RNF220: variants seen among roughly 807,000 people sequenced by gnomAD.
The protein encoded by RNF220 is E3 ubiquitin-protein ligase RNF220.
A neutral mutation model predicts 67.1 loss-of-function variants in RNF220; 7 were observed. That is an observed-to-expected ratio of 0.10 (90% CI 0.06 to 0.20). The LOEUF (loss-of-function observed/expected upper bound fraction) is 0.20. RNF220 is among the 10% of genes least tolerant of loss of function. RNF220 has a pLI of 1.00. For synonymous variants in RNF220, 270 were observed against 283.2 expected, an observed-to-expected ratio of 0.95 and a Z score of 0.47; for missense variants, 565 against 740.3, an observed-to-expected ratio of 0.76 and a Z score of 2.75.
intron 5 of RNF220, among the ~76,000 whole-genome samples, chr1:44,629,482 G>T (rs1644051604): frequency 6.6e-6 from 1 of 152,122 alleles, no homozygotes; most frequent in South Asian, 2.1e-4. Context: ...GCCTTCAAGG[G>T]GTTAGATTTG....
chr1:44,572,262 G>A (rs933556461), intron 2 of RNF220, among the ~76,000 whole-genome samples: 1 of 152,220 alleles, frequency 6.6e-6, no homozygotes, highest in Non-Finnish European at 1.5e-5. Flanking sequence ...CCACTAGGTG[G>A]CAGAAATCAT....
chr1:44,642,251 G>C (rs1644508343), intron 8 of RNF220, among the ~76,000 whole-genome samples: 1 of 152,232 alleles, frequency 6.6e-6, no homozygotes, highest in African/African-American at 2.4e-5. Context: ...AACGTGGGAA[G>C]CCCCATCTGC....
intron 2 of RNF220, among the ~76,000 whole-genome samples, chr1:44,525,283 G>T (rs917363320): frequency 6.6e-6 from 1 of 152,130 alleles, no homozygotes; most frequent in Non-Finnish European, 1.5e-5. Flanking sequence ...CTGAGCGAGA[G>T]GGGGGCCACC....
intron 2 of RNF220, among the ~76,000 whole-genome samples, chr1:44,599,502 ATC>A (rs1408892804): frequency 6.6e-6 from 1 of 152,046 alleles, no homozygotes; most frequent in Admixed American, 6.5e-5. Context: ...ACACAACCCT[ATC>A]TCTACAAAAA....
intron 6 of RNF220, among the ~76,000 whole-genome samples, chr1:44,633,820 A>G (rs1644243554): frequency 6.6e-6 from 1 of 152,344 alleles, no homozygotes; most frequent in African/African-American, 2.4e-5. Flanking sequence ...CCTTTGCTCA[A>G]TGCCTTTCTG....
chr1:44,612,550 T>C (rs1643358975), intron 2 of RNF220, among the ~76,000 whole-genome samples: 1 of 152,214 alleles, frequency 6.6e-6, no homozygotes, highest in Non-Finnish European at 1.5e-5. Flanking sequence ...GTAATCATCC[T>C]CAGTCTGGTG....
intron 2 of RNF220, among the ~76,000 whole-genome samples, chr1:44,495,501 GT>G: frequency 6.6e-6 from 1 of 152,238 alleles, no homozygotes; most frequent in East Asian, 1.9e-4. Context: ...CATGTAGTTA[GT>G]AAGGGAACGT....
rs1643887419 is a variant in RNF220 at position 44,624,611 on chromosome 1, C to T, written c.805-1686C>T. On this transcript the variant is annotated intron_variant, in intron 4 of 14. Coordinates refer to ENST00000361799, the MANE Select transcript of RNF220 (RefSeq NM_018150.4). The surrounding 1 kb of genome is among the most constrained non-coding windows in gnomAD (Gnocchi z 4.2). ...TGCCTTGACCTAGGCTTTAGGGAAG[C>T]AGGTCGTGAGTGGAAGAGGCGAGAG... 6.6e-6 allele frequency among the ~76,000 whole-genome samples: 1 copy of T among 151,838 alleles called. No homozygotes were observed. Among genetic ancestry groups the T allele is most frequent in the South Asian group, 2.1e-4 (1 of 4,784 alleles).
rs774547662 is a variant in RNF220, at chr1:44,649,976, C to T, written c.1629+19C>T. 15 of 1,611,710 alleles carry T rather than the reference C, an allele frequency of 9.3e-6. No homozygotes were observed. The highest frequency in any genetic ancestry group is 1.6e-4 in the Middle Eastern group (1 of 6,080). ...GACCCTGGTGAGGTGGCATGGGGGT[C>T]GGGGAATGGGAGGCCGCTCCGGGCA... is the stretch of plus-strand genomic sequence containing the variant. On this transcript the variant is annotated intron_variant, in intron 14 of 14. Coordinates refer to ENST00000361799, the MANE Select transcript of RNF220 (RefSeq NM_018150.4). The surrounding 1 kb of genome is among the most constrained non-coding windows in gnomAD (Gnocchi z 5.9).
intron 2 of RNF220, among the ~76,000 whole-genome samples, chr1:44,547,975 A>G (rs1283708350): frequency 2.6e-5 from 4 of 152,114 alleles, no homozygotes; most frequent in African/African-American, 4.8e-5. Flanking sequence ...CAGCACCCGC[A>G]CACATCAACT....
chr1:44,557,494 C>T (rs1172501651), intron 2 of RNF220, among the ~76,000 whole-genome samples: 1 of 151,992 alleles, frequency 6.6e-6, no homozygotes, highest in East Asian at 1.9e-4. Context: ...TTACATCTTG[C>T]ACAATGCTTT....
At chr1:44,614,445 C>A in intron 3 of RNF220, 148 bp downstream of exon 3, 1 of 891,210 alleles carries the variant, frequency 1.1e-6, no homozygotes, top group Non-Finnish European at 1.7e-6. Context: ...CTGTTTCAAT[C>A]CTCAGATCTT....
At chr1:44,432,282 T>C (rs199569745) in intron 2 of RNF220, among the ~76,000 whole-genome samples, 1 of 152,186 alleles carries the variant, frequency 6.6e-6, no homozygotes, top group East Asian at 1.9e-4. Flanking sequence ...GTTTTATTTA[T>C]TTTTTTGAGA....
At chr1:44,525,518 C>T (rs528865084) in intron 2 of RNF220, among the ~76,000 whole-genome samples, 28 of 152,310 alleles carry the variant, frequency 1.8e-4, no homozygotes, top group South Asian at 1.7e-3. Context: ...CCTGTTTACC[C>T]CCCTACTACT....
intron 2 of RNF220, among the ~76,000 whole-genome samples, chr1:44,492,230 C>T (rs764704997): frequency 1.3e-5 from 2 of 152,144 alleles, no homozygotes; most frequent in African/African-American, 2.4e-5. Flanking sequence ...GCTTTGCACC[C>T]ATTAGGATGT....
intron 2 of RNF220, among the ~76,000 whole-genome samples, chr1:44,528,466 A>G (rs1172521269): frequency 6.6e-6 from 1 of 151,962 alleles, no homozygotes; most frequent in Admixed American, 6.6e-5. Flanking sequence ...ACACCTGGCT[A>G]ATTTTTTGTA....
chr1:44,558,204 A>T (rs1040670396), intron 2 of RNF220, among the ~76,000 whole-genome samples: 3 of 152,180 alleles, frequency 2.0e-5, no homozygotes, highest in Non-Finnish European at 2.9e-5. Context: ...GCCCACATTT[A>T]ATTGAGTCTG....
At chr1:44,631,294 G>A (rs1644110313) in intron 5 of RNF220, among the ~76,000 whole-genome samples, 1 of 152,254 alleles carries the variant, frequency 6.6e-6, no homozygotes, top group Non-Finnish European at 1.5e-5. Flanking sequence ...AGATACAGAG[G>A]TGGAGATGAG....
intron 2 of RNF220, among the ~76,000 whole-genome samples, chr1:44,535,491 C>T (rs12723453): frequency 0.4 from 60,094 of 151,996 alleles, 12,343 homozygotes; most frequent in Middle Eastern, 0.53. Context: ...ATGTTCCTTG[C>T]CTTGTTTACT....
Sources: gnomAD v4.1 joint callset for allele counts (sites outside exome capture counted in the v4.1 genomes callset) on GRCh38, gnomAD v4.1.1 for gene constraint, Gnocchi (gnomAD v3.1) non-coding constraint, MANE v1.5 for transcripts, NCBI Gene and HGNC (gene_info 2026-07-23, HGNC 2026-07-21) for gene names.